The following ITGBL1 variants were observed in gnomAD, a reference collection of about 807,000 sequenced individuals.
ITGBL1 encodes the protein integrin beta-like protein 1.
In ITGBL1, 51 loss-of-function variants were observed where a neutral mutation model predicts 68.5. The ratio of observed to expected loss-of-function variants is 0.74; its 90% confidence interval spans 0.59 to 0.94. The LOEUF (loss-of-function observed/expected upper bound fraction) is 0.94, where lower values mean the gene tolerates loss of function less well. ITGBL1 is among the 40% of genes least tolerant of loss of function. The probability of loss-of-function intolerance (pLI) is 0.00; values close to 1 mark genes in which losing one functional copy is unlikely to be tolerated. For missense variants in ITGBL1, 649 were observed against 647.4 expected (o/e 1.00, Z -0.03); for synonymous variants, 209 against 227.3 (o/e 0.92, Z 0.72).
At chr13:101,667,273 A>G (rs1018452357) in intron 7 of ITGBL1, among the ~76,000 whole-genome samples, 7 of 152,196 alleles carry the variant, frequency 4.6e-5, no homozygotes, top group Non-Finnish European at 1.0e-4. Flanking sequence ...GGGCTAACAT[A>G]TAGTCTTTTA....
intron 2 of ITGBL1, among the ~76,000 whole-genome samples, chr13:101,531,618 G>T (rs1285531551): frequency 1.4e-5 from 2 of 140,084 alleles, no homozygotes; most frequent in African/African-American, 2.7e-5. Flanking sequence ...TTGGGGGGAG[G>T]GGATTTACTT....
intron 6 of ITGBL1, among the ~76,000 whole-genome samples, chr13:101,594,931 G>A (rs541156281): frequency 3.9e-5 from 6 of 152,132 alleles, no homozygotes; most frequent in East Asian, 1.9e-4. Context: ...AAAATTAGCC[G>A]GGCGTGTTGA....
intron 7 of ITGBL1, among the ~76,000 whole-genome samples, chr13:101,613,312 A>G (rs374277553): frequency 1.7e-3 from 259 of 152,254 alleles, no homozygotes; most frequent in Middle Eastern, 3.4e-3. Flanking sequence ...TCATTCATTC[A>G]TTCACCCAGT....
intron 2 of ITGBL1, among the ~76,000 whole-genome samples, chr13:101,564,947 A>G (rs774207492): frequency 2.0e-5 from 3 of 152,086 alleles, no homozygotes; most frequent in Non-Finnish European, 4.4e-5. Context: ...ATCAGAGCAG[A>G]GTTACACTGC....
At chr13:101,570,058 TTC>T (rs889076748) in intron 3 of ITGBL1, among the ~76,000 whole-genome samples, 2 of 152,142 alleles carry the variant, frequency 1.3e-5, no homozygotes, top group African/African-American at 4.8e-5. Context: ...AACTGTAACA[TTC>T]TCTCTGAATT....
intron 7 of ITGBL1, among the ~76,000 whole-genome samples, chr13:101,600,736 A>C (rs1374442233): frequency 6.6e-6 from 1 of 152,218 alleles, no homozygotes; most frequent in Non-Finnish European, 1.5e-5. Flanking sequence ...ATGCTGGATT[A>C]CAGTTATTGA....
chr13:101,671,421 C>G (rs2139503114), intron 7 of ITGBL1, among the ~76,000 whole-genome samples: 1 of 131,168 alleles, frequency 7.6e-6, no homozygotes, highest in East Asian at 2.7e-4. Flanking sequence ...CAAAAGTATA[C>G]CTTTGTTTTT....
chr13:101,541,789 T>G (rs9585725), intron 2 of ITGBL1, among the ~76,000 whole-genome samples: 2 of 151,918 alleles, frequency 1.3e-5, no homozygotes, highest in Non-Finnish European at 2.9e-5. Flanking sequence ...CTTGGGAGGA[T>G]GTATGTGTCG....
intron 2 of ITGBL1, among the ~76,000 whole-genome samples, chr13:101,471,833 C>T (rs1180647441): frequency 6.6e-6 from 1 of 152,066 alleles, no homozygotes; most frequent in Non-Finnish European, 1.5e-5. Context: ...AGCCAGATAT[C>T]TCTGCTCTGC....
At chr13:101,521,298 A>G (rs1338878898) in intron 2 of ITGBL1, among the ~76,000 whole-genome samples, 1 of 152,220 alleles carries the variant, frequency 6.6e-6, no homozygotes, top group African/African-American at 2.4e-5. Context: ...ATCTCTGCTT[A>G]CATGCATCTT....
intron 2 of ITGBL1, among the ~76,000 whole-genome samples, chr13:101,553,359 A>T (rs537600736): frequency 9.9e-5 from 15 of 152,274 alleles, no homozygotes; most frequent in Admixed American, 6.5e-4. Flanking sequence ...TTCAACCCTC[A>T]TTTATGAGGT....
chr13:101,714,557 G>C lies in ITGBL1; in HGVS notation c.1393+6G>C. ...TGATGGTCTCATTTGTACAGGTGCA[G>C]TATTAACCTTTTCTAATTGCTCTAT... On this transcript the variant is annotated splice_donor_region_variant and intron_variant, in intron 10 of 10. Transcript: ENST00000376180. 6.6e-7 allele frequency: 1 copy of C among 1,516,232 alleles called. No homozygotes were observed. Among genetic ancestry groups the C allele is most frequent in the African/African-American group, 1.4e-5 (1 of 73,020 alleles). 93.9% of individuals were successfully genotyped at this position (1,516,232 alleles called of 1,614,324 possible).
intron 7 of ITGBL1, among the ~76,000 whole-genome samples, chr13:101,623,720 G>A (rs1337549036): frequency 6.6e-6 from 1 of 152,172 alleles, no homozygotes; most frequent in African/African-American, 2.4e-5. Flanking sequence ...CAAATTTAAA[G>A]GGAGACTCAT....
At chr13:101,504,466 C>A (rs1231820712) in intron 2 of ITGBL1, among the ~76,000 whole-genome samples, 1 of 152,112 alleles carries the variant, frequency 6.6e-6, no homozygotes, top group Non-Finnish European at 1.5e-5. Context: ...AATAGAATAC[C>A]ATTCACTAAT....
chr13:101,453,548 A>G (rs540304937), intron 1 of ITGBL1, among the ~76,000 whole-genome samples: 1 of 152,350 alleles, frequency 6.6e-6, no homozygotes, highest in South Asian at 2.1e-4. Context: ...CTTTGTATTT[A>G]ATCTAAATGT....
At chr13:101,626,672 C>T (rs2031789344) in intron 7 of ITGBL1, among the ~76,000 whole-genome samples, 1 of 152,046 alleles carries the variant, frequency 6.6e-6, no homozygotes, top group Non-Finnish European at 1.5e-5. Context: ...AAATTAAAAT[C>T]CAGCTGCACA....
intron 7 of ITGBL1, among the ~76,000 whole-genome samples, chr13:101,608,864 T>C (rs1203882450): frequency 6.6e-6 from 1 of 152,060 alleles, no homozygotes; most frequent in African/African-American, 2.4e-5. Context: ...ATTTACTATT[T>C]CTTATCCAAG....
intron 7 of ITGBL1, among the ~76,000 whole-genome samples, chr13:101,672,801 C>T (rs552510704): frequency 5.3e-4 from 80 of 152,296 alleles, no homozygotes; most frequent in African/African-American, 1.9e-3. Flanking sequence ...TTAACCCATT[C>T]CATGTGTGCG....
chr13:101,547,264 CTT>C (rs1281719165), intron 2 of ITGBL1, among the ~76,000 whole-genome samples: 2 of 151,790 alleles, frequency 1.3e-5, no homozygotes, highest in African/African-American at 2.4e-5. Context: ...AAGCTAATGA[CTT>C]TGCCATTTTA....
Sources: allele counts gnomAD v4.1 joint callset (sites outside exome capture counted in the v4.1 genomes callset), GRCh38; gene constraint gnomAD v4.1.1; transcripts MANE v1.5; gene names NCBI Gene and HGNC (gene_info 2026-07-23, HGNC 2026-07-21).